The following TANGO6 variants were observed in gnomAD, a reference collection of about 807,000 sequenced individuals.
The protein encoded by TANGO6 is transport and Golgi organization protein 6 homolog.
A neutral mutation model predicts 114.2 loss-of-function variants in TANGO6; 90 were observed. That is an observed-to-expected ratio of 0.79 (90% confidence interval 0.66 to 0.94). TANGO6 has a LOEUF of 0.94. Among genes scored for constraint, TANGO6 ranks in the 40% least tolerant of loss-of-function variants. The probability of loss-of-function intolerance (pLI) is 0.00; values close to 1 mark genes in which losing one functional copy is unlikely to be tolerated. For missense variants in TANGO6, 1,274 were observed against 1,315.3 expected (o/e 0.97, Z 0.49); for synonymous variants, 477 against 509.8 (o/e 0.94, Z 0.87).
chr16:69,033,855 C>G (rs1959642773), intron 16 of TANGO6: 1 of 164,020 alleles, frequency 6.1e-6, no homozygotes, highest in Non-Finnish European at 1.4e-5. Flanking sequence ...AAGCTGGTCC[C>G]TCTGGTCAAG....
intron 17 of TANGO6, among the ~76,000 whole-genome samples, chr16:69,043,985 G>A (rs1959812650): frequency 6.6e-6 from 1 of 152,192 alleles, no homozygotes; most frequent in African/African-American, 2.4e-5. Flanking sequence ...AACTCATGAG[G>A]CAGTTTTTAC....
chr16:68,852,990 C>T (rs552866448), intron 1 of TANGO6, among the ~76,000 whole-genome samples: 74 of 152,024 alleles, frequency 4.9e-4, no homozygotes, highest in African/African-American at 1.6e-3. Context: ...TTTTTTGATG[C>T]GTTCAAAGTA....
chr16:69,054,473 G>T (rs1378154622), intron 17 of TANGO6, among the ~76,000 whole-genome samples: 3 of 152,120 alleles, frequency 2.0e-5, no homozygotes, highest in Admixed American at 2.0e-4. Context: ...CTGCTTCTGG[G>T]ACTCTTAGGC....
intron 7 of TANGO6, among the ~76,000 whole-genome samples, chr16:68,891,308 AAG>A (rs977253657): frequency 1.3e-5 from 2 of 150,794 alleles, no homozygotes; most frequent in African/African-American, 4.9e-5. Context: ...AAAAAAAAAA[AAG>A]AAATTAGCTG....
rs564320236 is a variant in TANGO6 at position 69,032,339 on chromosome 16, C to G, written c.2995-7969C>G. 1.2e-4 allele frequency among the ~76,000 whole-genome samples: 18 copies of G among 152,196 alleles called. 1 individual carries two copies. In the South Asian group the frequency reaches 3.7e-3, roughly 32 times the overall value. On this transcript the variant is annotated intron_variant, in intron 16 of 17. Transcript: ENST00000261778. ...GTAGTACAGTGGCACAATCTCAACT[C>G]ACTGCAACCTCTGCTTCCTGGGTTC...
chr16:68,980,435 A>ATATATATTT (rs1317961639), intron 15 of TANGO6, among the ~76,000 whole-genome samples: 3 of 61,810 alleles, frequency 4.9e-5, no homozygotes, highest in Non-Finnish European at 8.8e-5. Flanking sequence ...ATATATATAT[A>ATATATATTT]TTTTTTTTTT....
intron 16 of TANGO6, among the ~76,000 whole-genome samples, chr16:69,039,583 C>T (rs1056883821): frequency 6.6e-6 from 1 of 151,974 alleles, no homozygotes; most frequent in Non-Finnish European, 1.5e-5. Context: ...CTGCAGTGAG[C>T]CCTGATTGCA....
chr16:68,955,773 T>G (rs2152207202), intron 14 of TANGO6, among the ~76,000 whole-genome samples: 1 of 152,296 alleles, frequency 6.6e-6, no homozygotes, highest in Non-Finnish European at 1.5e-5. Context: ...CATTAAATCT[T>G]AAATTCAAAC....
At chr16:68,857,117 C>CA (rs1179969212) in intron 1 of TANGO6, among the ~76,000 whole-genome samples, 2 of 152,004 alleles carry the variant, frequency 1.3e-5, no homozygotes, top group Non-Finnish European at 2.9e-5. Flanking sequence ...AAATAAAAAA[C>CA]AAAAACAAAA....
At chr16:69,027,984 C>CAA (rs967909558) in intron 16 of TANGO6, among the ~76,000 whole-genome samples, 34 of 151,924 alleles carry the variant, frequency 2.2e-4, no homozygotes, top group African/African-American at 8.0e-4. Flanking sequence ...TTTTTTGAGA[C>CAA]AGAGTCTCAC....
At chr16:68,920,099 A>G (rs975850802) in intron 12 of TANGO6, among the ~76,000 whole-genome samples, 1 of 152,218 alleles carries the variant, frequency 6.6e-6, no homozygotes, top group Non-Finnish European at 1.5e-5. Flanking sequence ...TGTGCCACAC[A>G]TACTAAGCTA....
At chr16:68,907,216 C>T (rs1401183208) in intron 9 of TANGO6, among the ~76,000 whole-genome samples, 4 of 150,294 alleles carry the variant, frequency 2.7e-5, no homozygotes, top group Non-Finnish European at 5.9e-5. Context: ...CGAAGTGCTG[C>T]GATTACAGGC....
intron 15 of TANGO6, among the ~76,000 whole-genome samples, chr16:68,982,629 C>CATTTTTTTTTTTTTTTTTTTTTTTTT (rs1567553024): frequency 6.6e-5 from 8 of 120,528 alleles, no homozygotes; most frequent in African/African-American, 3.2e-4. Flanking sequence ...CATGCCCTGG[C>CATTTTTTTTTTTTTTTTTTTTTTTTT]CTTTTTTTTT....
At chr16:68,975,875 C>T (rs1204192424) in intron 15 of TANGO6, among the ~76,000 whole-genome samples, 1 of 151,904 alleles carries the variant, frequency 6.6e-6, no homozygotes, top group Non-Finnish European at 1.5e-5. Flanking sequence ...TGTTTCTTAA[C>T]CTTGGGTGCC....
chr16:68,858,948 A>G (rs960409900), intron 1 of TANGO6, among the ~76,000 whole-genome samples: 1 of 152,232 alleles, frequency 6.6e-6, no homozygotes, highest in Non-Finnish European at 1.5e-5. Flanking sequence ...TAATTTCCAA[A>G]CATTTAAGGC....
rs117156489 is a variant in TANGO6 at position 69,073,642 on chromosome 16, C to A, written c.3109-9843C>A. Among the ~76,000 whole-genome samples the A allele has an allele frequency of 5.2e-3, 794 of 152,220 alleles. 4 individuals carry two copies. Among genetic ancestry groups the A allele is most frequent in the Non-Finnish European group, 7.5e-3 (511 of 67,994 alleles). Reference sequence around the variant, plus strand: ...CCAGCCTCAGGAAAAATAAGACTTCCTTGCCCAAAGACAGGTTAGAAAGGG... The same window carrying A: ...CCAGCCTCAGGAAAAATAAGACTTCATTGCCCAAAGACAGGTTAGAAAGGG... On this transcript the variant is annotated intron_variant, in intron 17 of 17. Transcript: ENST00000261778.
At chr16:68,921,207 G>C (rs1467242605) in intron 12 of TANGO6, among the ~76,000 whole-genome samples, 1 of 146,594 alleles carries the variant, frequency 6.8e-6, no homozygotes, top group African/African-American at 2.5e-5. Context: ...TTTTCAGACA[G>C]AGTCTTACTC....
chr16:69,017,302 T>G (rs145084602), intron 15 of TANGO6, among the ~76,000 whole-genome samples: 5 of 152,322 alleles, frequency 3.3e-5, no homozygotes, highest in Non-Finnish European at 7.4e-5. Flanking sequence ...TGCTTATGAT[T>G]AGTCCCCCAG....
At chr16:69,047,853 T>C (rs527791386) in intron 17 of TANGO6, among the ~76,000 whole-genome samples, 29 of 152,312 alleles carry the variant, frequency 1.9e-4, no homozygotes, top group Admixed American at 1.8e-3. Flanking sequence ...TGAAACTCTT[T>C]CCCTTGCTTT....
Sources: allele counts gnomAD v4.1 joint callset (sites outside exome capture counted in the v4.1 genomes callset), GRCh38; gene constraint gnomAD v4.1.1; transcripts MANE v1.5; gene names NCBI Gene and HGNC (gene_info 2026-07-23, HGNC 2026-07-21).